HNF4G: variants seen among roughly 807,000 people sequenced by gnomAD.
HNF4G encodes hepatocyte nuclear factor 4-gamma.
Under a neutral mutation model 50.9 loss-of-function variants are expected in HNF4G, and 21 were observed. The observed-to-expected ratio is 0.41, with a 90% CI of 0.29 to 0.59. The LOEUF is 0.59. Ranked by LOEUF, HNF4G falls within the 20% of genes least tolerant of loss-of-function variation. HNF4G has a pLI of 0.26. For missense variants in HNF4G, 527 were observed against 559.4 expected (o/e 0.94, Z 0.58); for synonymous variants, 198 against 185.6 (o/e 1.07, Z -0.54).
At chr8:75,553,890 C>A (rs1254636600) in intron 5 of HNF4G, among the ~76,000 whole-genome samples, 3 of 151,966 alleles carry the variant, frequency 2.0e-5, no homozygotes, top group African/African-American at 7.2e-5. Flanking sequence ...TACTTAGGAA[C>A]TTGAATTTCC....
In HNF4G at chr8:75,560,432, T is replaced by A. The variant is rs750724035; in HGVS notation, c.1212T>A (p.Gly404=). The A allele has an allele frequency of 6.2e-7, 1 of 1,613,272 alleles. No individual in the cohort carries two copies. The highest frequency in any genetic ancestry group is 2.2e-5 in the East Asian group (1 of 44,834). The change falls in exon 9 of 10, where the codon GGT becomes GGA. Residue 404 remains glycine, a synonymous_variant. Coordinates refer to ENST00000396423, the MANE Select transcript of HNF4G (RefSeq NM_004133.5). ...DPLTGQTILL[G]PMSTLVHADQ... Reference sequence around the variant, plus strand: ...TAACTGGACAAACTATACTTTTAGGTCCCATGTCAACACTGGTTCATGCAG... The same window carrying A: ...TAACTGGACAAACTATACTTTTAGGACCCATGTCAACACTGGTTCATGCAG...
chr8:75,468,635 A>G (rs1812046392), intron 1 of HNF4G, among the ~76,000 whole-genome samples: 1 of 152,110 alleles, frequency 6.6e-6, no homozygotes. Context: ...CAGAGGTTGT[A>G]GTGAGCCAAG....
At chr8:75,448,482 C>A (rs1585852564) in intron 1 of HNF4G, among the ~76,000 whole-genome samples, 6 of 100,842 alleles carry the variant, frequency 5.9e-5, no homozygotes, top group Admixed American at 9.4e-5. Flanking sequence ...AATAAAAGAC[C>A]TCTTTAAAAA....
At chr8:75,481,444 A>G (rs1179282309) in intron 1 of HNF4G, among the ~76,000 whole-genome samples, 1 of 152,156 alleles carries the variant, frequency 6.6e-6, no homozygotes, top group Non-Finnish European at 1.5e-5. Flanking sequence ...TTGAATTATC[A>G]GCCAGGAAAA....
intron 1 of HNF4G, among the ~76,000 whole-genome samples, chr8:75,421,999 T>C (rs1319352347): frequency 1.3e-5 from 2 of 152,230 alleles, no homozygotes; most frequent in African/African-American, 2.4e-5. Flanking sequence ...CTGTTCATTA[T>C]GCTGTTGTGT....
At chr8:75,425,130 G>A (rs1017292737) in intron 1 of HNF4G, among the ~76,000 whole-genome samples, 1 of 151,062 alleles carries the variant, frequency 6.6e-6, no homozygotes, top group East Asian at 1.9e-4. Flanking sequence ...CAGCCACCTG[G>A]GCTGGAGTGC....
Position 75,565,826 on chromosome 8 carries a change from C to G in HNF4G, c.*1730C>G, listed in dbSNP as rs531177499. The G allele has an allele frequency of 1.3e-5, 2 of 152,202 alleles. No homozygotes were observed. Among genetic ancestry groups the G allele is most frequent in the South Asian group, 4.1e-4 (2 of 4,824 alleles). 9.4% of individuals were successfully genotyped at this position (152,202 alleles called of 1,614,324 possible). ...AAAGTAAAATTGAACTTATTAAAAG[C>G]TATCTATGATTTAATAGATTTAATA... On this transcript the variant is annotated 3_prime_UTR_variant, in exon 10 of 10. Coordinates refer to ENST00000396423, the MANE Select transcript of HNF4G (RefSeq NM_004133.5).
chr8:75,544,195 A>G (rs1249591970), intron 2 of HNF4G, among the ~76,000 whole-genome samples: 4 of 152,200 alleles, frequency 2.6e-5, no homozygotes, highest in African/African-American at 9.6e-5. Context: ...CAGAAGGTAT[A>G]TAAAAAATCC....
At chr8:75,443,600 A>G (rs1484777915) in intron 1 of HNF4G, among the ~76,000 whole-genome samples, 1 of 152,138 alleles carries the variant, frequency 6.6e-6, no homozygotes, top group Non-Finnish European at 1.5e-5. Context: ...GGCTCAAATA[A>G]TTCTTCCACC....
chr8:75,470,865 A>G (rs551655580), intron 1 of HNF4G, among the ~76,000 whole-genome samples: 1 of 152,286 alleles, frequency 6.6e-6, no homozygotes, highest in African/African-American at 2.4e-5. Context: ...TAGTTTTAGC[A>G]CTGGTAAGAG....
At chr8:75,503,706 G>A (rs557746847) in intron 2 of HNF4G, among the ~76,000 whole-genome samples, 1 of 152,314 alleles carries the variant, frequency 6.6e-6, no homozygotes, top group Admixed American at 6.5e-5. Context: ...ACAAAGAGGA[G>A]TGGAGTCCTT....
At chr8:75,524,001 G>A (rs1255893889) in intron 2 of HNF4G, among the ~76,000 whole-genome samples, 1 of 141,162 alleles carries the variant, frequency 7.1e-6, no homozygotes, top group Non-Finnish European at 1.6e-5. Flanking sequence ...TATATCTCAA[G>A]GAAGTATGAG....
intron 1 of HNF4G, among the ~76,000 whole-genome samples, chr8:75,477,831 G>A (rs1812273718): frequency 6.6e-6 from 1 of 152,136 alleles, no homozygotes; most frequent in South Asian, 2.1e-4. Flanking sequence ...GTCGGATGTG[G>A]TGGCACATGC....
At chr8:75,540,197 GC>G (rs1465415646) in intron 1 of HNF4G, 117 bp downstream of exon 1, 2 of 609,958 alleles carry the variant, frequency 3.3e-6, no homozygotes, top group African/African-American at 3.8e-5. Flanking sequence ...TTTAGGGCTT[GC>G]TTTTAAGGCC....
intron 9 of HNF4G, 27 bp from the exon 10 acceptor site, chr8:75,563,948 A>G (rs2130823399): frequency 6.2e-7 from 1 of 1,612,164 alleles, no homozygotes. Context: ...TGCCACCATT[A>G]GACTCAATTC....
chr8:75,449,129 T>C (rs1214192684), intron 1 of HNF4G, among the ~76,000 whole-genome samples: 1 of 152,094 alleles, frequency 6.6e-6, no homozygotes, highest in African/African-American at 2.4e-5. Flanking sequence ...CTGGTCTAGG[T>C]TGGATGGTAT....
chr8:75,498,225 C>A (rs1018243360), intron 2 of HNF4G, among the ~76,000 whole-genome samples: 1 of 151,984 alleles, frequency 6.6e-6, no homozygotes, highest in African/African-American at 2.4e-5. Context: ...CTTCTATTAA[C>A]TTGTTTGAAG....
chr8:75,419,164 T>C (rs1810718590), intron 1 of HNF4G, among the ~76,000 whole-genome samples: 2 of 152,246 alleles, frequency 1.3e-5, no homozygotes, highest in South Asian at 4.1e-4. Flanking sequence ...TGGACATGCA[T>C]GTTTGTGTCC....
At chr8:75,527,910 GCT>G (rs1806225441) in intron 2 of HNF4G, among the ~76,000 whole-genome samples, 1 of 152,134 alleles carries the variant, frequency 6.6e-6, no homozygotes, top group African/African-American at 2.4e-5. Flanking sequence ...TGCTTCTTGA[GCT>G]CTCTGTTATT....
Sources: allele counts gnomAD v4.1 joint callset (sites outside exome capture counted in the v4.1 genomes callset), GRCh38; gene constraint gnomAD v4.1.1; transcripts MANE v1.5; gene names NCBI Gene and HGNC (gene_info 2026-07-23, HGNC 2026-07-21).